The following COG7 variants were observed in gnomAD, a reference collection of about 807,000 sequenced individuals.
The protein encoded by COG7 is conserved oligomeric Golgi complex subunit 7.
A neutral mutation model predicts 91.5 loss-of-function variants in COG7; 49 were observed. That is an observed-to-expected ratio of 0.54 (90% confidence interval 0.43 to 0.68). The LOEUF is 0.68. COG7 is among the 30% of genes least tolerant of loss of function. COG7 has a pLI of 0.00. For missense variants in COG7, 895 were observed against 961.3 expected (o/e 0.93, Z 0.91); for synonymous variants, 365 against 388.7 (o/e 0.94, Z 0.72).
chr16:23,390,231 T>TC (rs763641077), intron 16 of COG7: 2 of 150,852 alleles, frequency 1.3e-5, no homozygotes, highest in Non-Finnish European at 2.9e-5. Context: ...AGACAGAGTT[T>TC]CACTCTTGTT....
intron 16 of COG7, among the ~76,000 whole-genome samples, chr16:23,391,481 C>T (rs549524001): frequency 8.5e-5 from 13 of 152,182 alleles, no homozygotes; most frequent in Non-Finnish European, 1.8e-4. Context: ...AAAGCTGGAT[C>T]CCAGGCCTGG....
chr16:23,452,984 G>C lies in COG7; in HGVS notation c.11C>G (p.Ser4Cys), dbSNP rs1413701149. 1 of 1,614,082 alleles carries C rather than the reference G, an allele frequency of 6.2e-7. No homozygotes were observed. The highest frequency in any genetic ancestry group is 1.7e-5 in the Admixed American group (1 of 60,026). The change falls in exon 1 of 17, where the codon TCC (serine) becomes TGC (cysteine). Residue 4 changes from serine (S) to cysteine (C), a missense_variant. Physicochemically the swap from Ser to Cys is moderately radical, Grantham distance 112. Coordinates refer to ENST00000307149, the MANE Select transcript of COG7 (RefSeq NM_153603.4). MDF[S>C]KFLADDFDVK... Reference sequence around the variant, plus strand: ...GTCGAAGTCGTCTGCCAGGAACTTGGAGAAGTCCATGGCGGAACTGCCTCA... The same window carrying C: ...GTCGAAGTCGTCTGCCAGGAACTTGCAGAAGTCCATGGCGGAACTGCCTCA...
intron 10 of COG7, among the ~76,000 whole-genome samples, chr16:23,411,882 CTTTT>C (rs1230807496): frequency 7.3e-6 from 1 of 137,752 alleles, no homozygotes. Context: ...TTCCAGATTG[CTTTT>C]TTTTTTTTTT....
intron 14 of COG7, among the ~76,000 whole-genome samples, chr16:23,396,143 A>C (rs1963281818): frequency 6.6e-6 from 1 of 152,200 alleles, no homozygotes; most frequent in Admixed American, 6.5e-5. Flanking sequence ...CTGTCTCTGC[A>C]CACAGTACGT....
chr16:23,424,833 G>C lies in COG7; in HGVS notation c.925C>G (p.Gln309Glu), dbSNP rs201686505. The C allele has an allele frequency of 6.2e-7, 1 of 1,614,234 alleles. No homozygotes were observed. Among genetic ancestry groups the C allele is most frequent in the East Asian group, 2.2e-5 (1 of 44,882 alleles). ...SNGVERAGPE[Q>E]ELTRLLEFYD... ...AACTCCAGCAGCCTGGTGAGCTCCT[G>C]CTCGGGCCCTGCCCTCTCCACGCCG... Residue 309 changes from glutamine (Q) to glutamate (E), a missense_variant, in exon 7 of 17, where the codon CAG (glutamine) becomes GAG (glutamate). Coordinates refer to ENST00000307149, the MANE Select transcript of COG7 (RefSeq NM_153603.4).
In COG7 at chr16:23,445,127, T is replaced by C; in HGVS notation, c.356A>G (p.Gln119Arg). 6.2e-7 allele frequency: 1 copy of C among 1,614,128 alleles called. No individual in the cohort carries two copies. ...VEIDQVKSRMQLAAESLQEAD... is the reference protein window; with the variant it reads ...VEIDQVKSRMRLAAESLQEAD... ...TTCCTGAAGAGATTCGGCAGCAAGT[T>C]GCATTCTGGACTTCACTTGGTCAAT... Residue 119 changes from glutamine to arginine, a missense_variant, in exon 3 of 17, where the codon CAA becomes CGA. Gln to Arg is a conservative substitution (Grantham distance 43). Coordinates refer to ENST00000307149, the MANE Select transcript of COG7 (RefSeq NM_153603.4).
rs183038281 is a variant in COG7 at position 23,433,587 on chromosome 16, G to A, written c.768C>T (p.Ala256=). The A allele has an allele frequency of 9.9e-6, 16 of 1,614,092 alleles. No individual in the cohort carries two copies. Among genetic ancestry groups the A allele is most frequent in the Admixed American group, 3.3e-5 (2 of 60,010 alleles). The part of the protein sequence containing the change: ...LDRQLTGLYD[A]LLGAWHTQIQ... ...TTTGTGTGTGCCAAGCACCAAGCAAGGCATCATAGAGTCCGGTAAGCTGCC... is the reference window on the plus strand; with the variant it reads ...TTTGTGTGTGCCAAGCACCAAGCAAAGCATCATAGAGTCCGGTAAGCTGCC... Residue 256 remains alanine, a synonymous_variant, in exon 6 of 17, where the codon GCC becomes GCT. Coordinates refer to ENST00000307149, the MANE Select transcript of COG7 (RefSeq NM_153603.4).
chr16:23,420,272 T>A (rs758267304), intron 7 of COG7, among the ~76,000 whole-genome samples: 1 of 152,176 alleles, frequency 6.6e-6, no homozygotes. Context: ...CTGAAAATCA[T>A]CTCAAAGAAA....
intron 4 of COG7, among the ~76,000 whole-genome samples, chr16:23,442,240 A>G (rs1033011147): frequency 2.0e-5 from 3 of 151,792 alleles, no homozygotes; most frequent in Non-Finnish European, 2.9e-5. Flanking sequence ...AGGCTGAGGC[A>G]GGAGAATCAC....
chr16:23,403,902 C>A, intron 12 of COG7, 68 bp from the exon 13 acceptor site: 1 of 1,598,398 alleles, frequency 6.3e-7, no homozygotes, highest in South Asian at 1.1e-5. Context: ...GCTAGTTAAC[C>A]ATTTTGAAAA....
At chr16:23,451,844 C>A (rs761997338) in intron 1 of COG7, among the ~76,000 whole-genome samples, 1 of 151,762 alleles carries the variant, frequency 6.6e-6, no homozygotes, top group African/African-American at 2.4e-5. Flanking sequence ...TATACCTATA[C>A]TATAATACGT....
intron 11 of COG7, among the ~76,000 whole-genome samples, chr16:23,408,125 G>A (rs1963493731): frequency 2.0e-5 from 1 of 50,246 alleles, no homozygotes; most frequent in African/African-American, 9.4e-5. Flanking sequence ...AGAGATAGGG[G>A]CGAGTGGGGC....
At chr16:23,435,584 A>T (rs1051406121) in intron 4 of COG7, among the ~76,000 whole-genome samples, 8 of 152,212 alleles carry the variant, frequency 5.3e-5, no homozygotes, top group African/African-American at 1.9e-4. Context: ...GCAGTCTCTG[A>T]ATAGTGTGCA....
At chr16:23,406,000 T>G (rs1464974868) in intron 12 of COG7, 76 bp downstream of exon 12, 3 of 1,393,670 alleles carry the variant, frequency 2.2e-6, no homozygotes, top group African/African-American at 1.4e-5. Context: ...GGCCCGCCTG[T>G]AACCCAGAGA....
At chr16:23,410,189 G>A in intron 11 of COG7, 106 bp downstream of exon 11, 2 of 834,022 alleles carry the variant, frequency 2.4e-6, no homozygotes, top group Non-Finnish European at 4.1e-6. Context: ...CCAGCCCTGT[G>A]GCCTTCACAT....
chr16:23,397,700 C>T (rs1235336133), intron 14 of COG7, among the ~76,000 whole-genome samples: 1 of 152,216 alleles, frequency 6.6e-6, no homozygotes, highest in African/African-American at 2.4e-5. Flanking sequence ...ACCACAAACA[C>T]ACACTACTCT....
At chr16:23,398,312 A>C (rs1180785741) in intron 13 of COG7, among the ~76,000 whole-genome samples, 183 bp from the exon 14 acceptor site, 1 of 152,210 alleles carries the variant, frequency 6.6e-6, no homozygotes, top group East Asian at 1.9e-4. Flanking sequence ...TTCACCTGGA[A>C]GCCCGCCATA....
intron 4 of COG7, among the ~76,000 whole-genome samples, chr16:23,436,839 C>G (rs1407585358): frequency 1.3e-5 from 2 of 152,210 alleles, no homozygotes; most frequent in African/African-American, 4.8e-5. Flanking sequence ...CTTCCTGATG[C>G]TTGCCAAAAT....
chr16:23,435,863 A>AGAAAAC (rs1964006094), intron 4 of COG7, among the ~76,000 whole-genome samples: 1 of 152,260 alleles, frequency 6.6e-6, no homozygotes, highest in African/African-American at 2.4e-5. Flanking sequence ...TCCATGAGTT[A>AGAAAAC]GAAAACGAAT....
Sources: gnomAD v4.1 joint callset for allele counts (sites outside exome capture counted in the v4.1 genomes callset) on GRCh38, gnomAD v4.1.1 for gene constraint, MANE v1.5 for transcripts, NCBI Gene and HGNC (gene_info 2026-07-23, HGNC 2026-07-21) for gene names.